The following UPF2 variants were observed in gnomAD, a reference collection of about 807,000 sequenced individuals.
The protein encoded by UPF2 is regulator of nonsense transcripts 2.
In UPF2, 17 loss-of-function variants were observed where a neutral mutation model predicts 141.4. The ratio of observed to expected loss-of-function variants is 0.12; its 90% CI spans 0.08 to 0.18. The LOEUF is 0.18. Ranked by LOEUF, UPF2 falls within the 10% of genes least tolerant of loss-of-function variation. The pLI is 1.00. For missense variants in UPF2, 1,152 were observed against 1,515.9 expected (o/e 0.76, Z 3.99); for synonymous variants, 540 against 498.0 (o/e 1.08, Z -1.12).
At chr10:11,983,062 T>G (rs1033768179) in intron 8 of UPF2, among the ~76,000 whole-genome samples, 1 of 152,230 alleles carries the variant, frequency 6.6e-6, no homozygotes, top group Non-Finnish European at 1.5e-5. Flanking sequence ...AAACAGTGCC[T>G]GGAACATAGG....
intron 3 of UPF2, among the ~76,000 whole-genome samples, chr10:12,024,931 CA>C (rs61678431): frequency 0.086 from 4,561 of 52,992 alleles, 34 homozygotes; most frequent in South Asian, 0.12. Flanking sequence ...GACCCTGTTA[CA>C]AAAAAAAAAA....
chr10:11,989,296 T>G (rs570507733), intron 8 of UPF2, among the ~76,000 whole-genome samples: 1 of 152,282 alleles, frequency 6.6e-6, no homozygotes, highest in African/African-American at 2.4e-5. Context: ...TTGAACAAAT[T>G]ATAGCTCAAT....
At chr10:12,013,957 A>AT in intron 4 of UPF2, 67 bp downstream of exon 4, 7 of 1,353,436 alleles carry the variant, frequency 5.2e-6, no homozygotes, top group Non-Finnish European at 6.7e-6. Flanking sequence ...TGCACATCTG[A>AT]TAAGCCTAAA....
intron 3 of UPF2, among the ~76,000 whole-genome samples, chr10:12,027,162 A>T (rs1834433334): frequency 6.6e-6 from 1 of 152,188 alleles, no homozygotes; most frequent in African/African-American, 2.4e-5. Context: ...AGTGTTTCCA[A>T]CAGTGCAATG....
At chr10:11,952,311 A>G in intron 14 of UPF2, 62 bp from the exon 15 acceptor site, 2 of 1,398,224 alleles carry the variant, frequency 1.4e-6, no homozygotes, top group Admixed American at 2.6e-5. Context: ...TTTTAAAATA[A>G]TAAACTATAT....
chr10:12,029,827 T>C (rs557778704), intron 2 of UPF2, among the ~76,000 whole-genome samples: 3 of 152,080 alleles, frequency 2.0e-5, no homozygotes, highest in African/African-American at 7.2e-5. Context: ...CTGGGCGTGA[T>C]GGCGCTCACC....
At chr10:11,988,087 G>C (rs1466119898) in intron 8 of UPF2, among the ~76,000 whole-genome samples, 1 of 152,098 alleles carries the variant, frequency 6.6e-6, no homozygotes, top group Non-Finnish European at 1.5e-5. Context: ...CAATTTTACA[G>C]GGGCAAAGGC....
Position 11,999,935 on chromosome 10 carries a change from T to C in UPF2, c.1729A>G (p.Asn577Asp), listed in dbSNP as rs750725959. Reference protein sequence around the residue: ...IVDAFLQQLPNCVNRDLIDKA... With the variant: ...IVDAFLQQLPDCVNRDLIDKA... ...TCTATCAGATCTCGGTTGACACAGT[T>C]GGGTAACTGCTGTAGGAAAGCATCT... The change falls in exon 7 of 22, where the codon AAC becomes GAC. Residue 577 changes from asparagine (N) to aspartate (D), a missense_variant. Asn to Asp is a conservative substitution (Grantham distance 23). Coordinates refer to ENST00000357604, the MANE Select transcript of UPF2 (RefSeq NM_015542.4). 1.1e-5 allele frequency: 17 copies of C among 1,613,790 alleles called. No individual in the cohort carries two copies. Among genetic ancestry groups the C allele is most frequent in the Admixed American group, 1.7e-5 (1 of 59,964 alleles).
chr10:12,010,236 G>A (rs528129565), intron 4 of UPF2, among the ~76,000 whole-genome samples: 7 of 152,124 alleles, frequency 4.6e-5, no homozygotes, highest in Admixed American at 6.6e-5. Context: ...AAACATAAGC[G>A]GGCAGCCAAA....
At chr10:12,041,614 A>T (rs1834735396) in intron 1 of UPF2, among the ~76,000 whole-genome samples, 1 of 152,052 alleles carries the variant, frequency 6.6e-6, no homozygotes, top group Non-Finnish European at 1.5e-5. Flanking sequence ...CTCCGAAAAC[A>T]CTCCAGTATG....
In UPF2 at chr10:12,042,598, G is replaced by A. The variant is rs1445689354; in HGVS notation, c.-19+157C>T. Among the ~76,000 whole-genome samples the A allele has an allele frequency of 6.6e-6, 1 of 152,132 alleles. No homozygotes were observed. The highest frequency in any genetic ancestry group is 2.4e-5 in the African/African-American group (1 of 41,440). On this transcript the variant is annotated intron_variant, in intron 1 of 21. Coordinates refer to ENST00000357604, the MANE Select transcript of UPF2 (RefSeq NM_015542.4). This position sits in a 1 kb window ranked among gnomAD's most constrained non-coding sequence, Gnocchi z 5.5. ...CAGGGGGTCTGAGGAGAACGACGCC[G>A]GACCCGCGGTCCCTCCACTGCTCGC...
In UPF2 at chr10:11,956,280, C is replaced by A; in HGVS notation, c.2574+40G>T. 2 of 1,576,810 alleles carry A rather than the reference C, an allele frequency of 1.3e-6. No homozygotes were observed. Among genetic ancestry groups the A allele is most frequent in the Non-Finnish European group, 1.7e-6 (2 of 1,146,540 alleles). On this transcript the variant is annotated intron_variant, in intron 13 of 21. Transcript: ENST00000357604. This position sits in a 1 kb window ranked among gnomAD's most constrained non-coding sequence, Gnocchi z 4.2. Reference sequence around the variant, plus strand: ...TAACCTAGAAATAATAAATTCTCCACGAATTCCAGTTGTGTGACATTAAAG... The same window carrying A: ...TAACCTAGAAATAATAAATTCTCCAAGAATTCCAGTTGTGTGACATTAAAG...
At chr10:12,034,950 A>G in intron 2 of UPF2, 109 bp downstream of exon 2, 1 of 1,451,178 alleles carries the variant, frequency 6.9e-7, no homozygotes, top group South Asian at 1.5e-5. Context: ...GATACTCCCA[A>G]TTCTTAAAGA....
In UPF2 at chr10:12,023,524, A is replaced by T. The variant is rs182188311; in HGVS notation, c.1145+5221T>A. Among the ~76,000 whole-genome samples, 565 of 151,318 alleles carry T rather than the reference A, an allele frequency of 3.7e-3. 5 individuals are homozygous for T. Among genetic ancestry groups the T allele is most frequent in the African/African-American group, 0.013 (524 of 41,246 alleles). On this transcript the variant is annotated intron_variant, in intron 3 of 21. Coordinates refer to ENST00000357604, the MANE Select transcript of UPF2 (RefSeq NM_015542.4). ...CCTGTCTCTACTAAAAAAAAAAAAA[A>T]AAATAGAGAATTAAAATTAGCCAGG... is the stretch of plus-strand genomic sequence containing the variant.
At chr10:11,977,286 G>A (rs983994609) in intron 9 of UPF2, among the ~76,000 whole-genome samples, 1 of 152,170 alleles carries the variant, frequency 6.6e-6, no homozygotes, top group African/African-American at 2.4e-5. Context: ...ATGTGTTTCT[G>A]CCTAATAGAA....
chr10:12,031,189 AAC>A (rs1323255956), intron 2 of UPF2, among the ~76,000 whole-genome samples: 6,199 of 147,036 alleles, frequency 0.042, 347 homozygotes, highest in Non-Finnish European at 0.068. Context: ...AAAAAAAAAA[AAC>A]AAAACAGTTT....
intron 7 of UPF2, among the ~76,000 whole-genome samples, chr10:11,999,252 G>A (rs1208465847): frequency 6.6e-6 from 1 of 152,144 alleles, no homozygotes; most frequent in East Asian, 1.9e-4. Flanking sequence ...GGTGGCTCAT[G>A]CCTGTAATCC....
intron 4 of UPF2, among the ~76,000 whole-genome samples, chr10:12,009,940 C>A (rs1388285813): frequency 6.6e-6 from 1 of 152,114 alleles, no homozygotes; most frequent in Non-Finnish European, 1.5e-5. Context: ...AAAATAACTA[C>A]TGAAAAGAAT....
chr10:11,932,802 A>T (rs1048313836), intron 19 of UPF2, among the ~76,000 whole-genome samples: 13 of 152,220 alleles, frequency 8.5e-5, no homozygotes, highest in Non-Finnish European at 1.6e-4. Context: ...TGTAGCTAAA[A>T]TTAAAAAACA....
Sources: allele counts gnomAD v4.1 joint callset (sites outside exome capture counted in the v4.1 genomes callset), GRCh38; gene constraint gnomAD v4.1.1; non-coding constraint Gnocchi (gnomAD v3.1); transcripts MANE v1.5; gene names NCBI Gene and HGNC (gene_info 2026-07-23, HGNC 2026-07-21).